CLMN: variants seen among roughly 807,000 people sequenced by gnomAD.
CLMN encodes the protein calmin, also known as calmin (calponin-like, transmembrane).
In CLMN, 57 loss-of-function variants were observed where a neutral mutation model predicts 92.7. The ratio of observed to expected loss-of-function variants is 0.61; its 90% confidence interval spans 0.50 to 0.77. The LOEUF (loss-of-function observed/expected upper bound fraction) is 0.77, where lower values mean the gene tolerates loss of function less well. Among genes scored for constraint, CLMN ranks in the 30% least tolerant of loss-of-function variants. The pLI, the probability that CLMN is intolerant of heterozygous loss-of-function variation, is 0.00. For synonymous variants in CLMN, 466 were observed against 470.6 expected, an observed-to-expected ratio of 0.99 and a Z score of 0.13; for missense variants, 1,158 against 1,237.5, an observed-to-expected ratio of 0.94 and a Z score of 0.96.
intron 2 of CLMN, among the ~76,000 whole-genome samples, chr14:95,227,413 T>C (rs78903358): frequency 6.6e-6 from 1 of 152,172 alleles, no homozygotes; most frequent in African/African-American, 2.4e-5. Context: ...CCTTCCACCC[T>C]GAGCATGACG....
intron 4 of CLMN, among the ~76,000 whole-genome samples, chr14:95,218,617 A>G (rs1232996934): frequency 6.6e-6 from 1 of 152,176 alleles, no homozygotes; most frequent in African/African-American, 2.4e-5. Context: ...GGGCCCACTG[A>G]GTATTTTGTG....
At chr14:95,222,690 T>C (rs1309963057) in intron 3 of CLMN, 5 of 440,100 alleles carry the variant, frequency 1.1e-5, no homozygotes, top group African/African-American at 8.1e-5. Context: ...ACCGTGCTCA[T>C]GGCGAGGCCT....
intron 1 of CLMN, among the ~76,000 whole-genome samples, chr14:95,272,608 A>C (rs186345546): frequency 6.6e-6 from 1 of 152,290 alleles, no homozygotes; most frequent in East Asian, 1.9e-4. Context: ...GTACGACAAT[A>C]CACCAGCCAT....
Position 95,256,855 on chromosome 14 carries a change from T to C in CLMN, c.83-26722A>G, listed in dbSNP as rs1899018803. ...TAAGCCTCCTGGGTCAGGGGCAGAA[T>C]TGGAGCAGGAGCTTGAAGGCCCCAT... On this transcript the variant is annotated intron_variant, in intron 1 of 12. Transcript: ENST00000298912. This position sits in a 1 kb window ranked among gnomAD's most constrained non-coding sequence, Gnocchi z 4.9. Among the ~76,000 whole-genome samples the C allele has an allele frequency of 6.6e-6, 1 of 152,082 alleles. No individual in the cohort carries two copies. Among genetic ancestry groups the C allele is most frequent in the Non-Finnish European group, 1.5e-5 (1 of 68,008 alleles).
At chr14:95,287,855 A>T (rs1470155863) in intron 1 of CLMN, among the ~76,000 whole-genome samples, 2 of 152,134 alleles carry the variant, frequency 1.3e-5, no homozygotes, top group Non-Finnish European at 2.9e-5. Context: ...CTAGCCAGCT[A>T]TCTGCATTTC....
chr14:95,198,148 T>C (rs1158887204), intron 9 of CLMN, among the ~76,000 whole-genome samples: 2 of 149,732 alleles, frequency 1.3e-5, no homozygotes, highest in Non-Finnish European at 3.0e-5. Context: ...CTCCCAGGTT[T>C]AAGTGATTTT....
At chr14:95,246,878 T>C (rs75083876) in intron 1 of CLMN, among the ~76,000 whole-genome samples, 35,225 of 152,018 alleles carry the variant, frequency 0.23, 5,304 homozygotes, top group African/African-American at 0.43. Context: ...TCTTATAGAG[T>C]TTAGATCACT....
chr14:95,198,328 G>A (rs1381822546), intron 9 of CLMN, among the ~76,000 whole-genome samples: 3 of 151,578 alleles, frequency 2.0e-5, no homozygotes, highest in Non-Finnish European at 1.5e-5. Flanking sequence ...GGGATTACAG[G>A]CGTGAGCCAC....
intron 1 of CLMN, among the ~76,000 whole-genome samples, chr14:95,304,071 C>T (rs1901173299): frequency 6.6e-6 from 1 of 152,190 alleles, no homozygotes. Flanking sequence ...GACGTGGTGG[C>T]TCACACCTGT....
intron 5 of CLMN, among the ~76,000 whole-genome samples, chr14:95,214,103 TA>T (rs780436720): frequency 1.2e-4 from 18 of 151,894 alleles, no homozygotes; most frequent in Non-Finnish European, 2.4e-4. Flanking sequence ...CCTTCTACCA[TA>T]TAGGATTGAC....
At chr14:95,311,104 G>C (rs1438127681) in intron 1 of CLMN, among the ~76,000 whole-genome samples, 1 of 151,998 alleles carries the variant, frequency 6.6e-6, no homozygotes, top group Non-Finnish European at 1.5e-5. Flanking sequence ...CAGACATTCA[G>C]GGCCAGGACT....
In CLMN at chr14:95,256,191, C is replaced by T. The variant is rs1226119384; in HGVS notation, c.83-26058G>A. 6.6e-6 allele frequency among the ~76,000 whole-genome samples: 1 copy of T among 152,196 alleles called. No individual in the cohort carries two copies. Among genetic ancestry groups the T allele is most frequent in the East Asian group, 1.9e-4 (1 of 5,190 alleles). The stretch of plus-strand genomic sequence containing the variant: ...GGGTACAATGCCCCCACACTGTCCT[C>T]GCCACGGGCACACCCAACCGAGGCC... On this transcript the variant is annotated intron_variant, in intron 1 of 12. Transcript: ENST00000298912. The surrounding 1 kb of genome is among the most constrained non-coding windows in gnomAD (Gnocchi z 4.9).
At chr14:95,307,332 G>A (rs913093366) in intron 1 of CLMN, among the ~76,000 whole-genome samples, 1 of 152,206 alleles carries the variant, frequency 6.6e-6, no homozygotes, top group African/African-American at 2.4e-5. Flanking sequence ...GCAGACTCCA[G>A]CACCTGACCC....
chr14:95,193,399 GCTT>G (rs1240440019), intron 12 of CLMN: 3 of 1,533,942 alleles, frequency 2.0e-6, no homozygotes, highest in Non-Finnish European at 2.6e-6. Context: ...AGCTCAGTAA[GCTT>G]CTGAGTACTG....
At chr14:95,276,416 A>T (rs1026019869) in intron 1 of CLMN, among the ~76,000 whole-genome samples, 1 of 152,168 alleles carries the variant, frequency 6.6e-6, no homozygotes, top group African/African-American at 2.4e-5. Flanking sequence ...TTAGGTATGC[A>T]TAGGATCATG....
At chr14:95,282,738 T>G (rs992371300) in intron 1 of CLMN, among the ~76,000 whole-genome samples, 1 of 152,178 alleles carries the variant, frequency 6.6e-6, no homozygotes, top group African/African-American at 2.4e-5. Context: ...GAGCAGCCAC[T>G]CAGAGAGAAG....
intron 4 of CLMN, among the ~76,000 whole-genome samples, chr14:95,221,086 G>A (rs186938270): frequency 4.2e-4 from 64 of 152,330 alleles, no homozygotes; most frequent in Non-Finnish European, 7.6e-4. Flanking sequence ...GTGCCAATGT[G>A]TCAGGCAAGC....
At chr14:95,241,168 C>T (rs567659404) in intron 1 of CLMN, among the ~76,000 whole-genome samples, 11 of 152,100 alleles carry the variant, frequency 7.2e-5, no homozygotes, top group Admixed American at 3.3e-4. Context: ...ACCCCACACT[C>T]ACCCTGTAAA....
chr14:95,319,590 G>C, intron 1 of CLMN, 121 bp downstream of exon 1: 2 of 809,222 alleles, frequency 2.5e-6, no homozygotes, highest in East Asian at 3.6e-5. Context: ...CTCGAGGCAA[G>C]TGACAGGAAC....
Sources: allele counts gnomAD v4.1 joint callset (sites outside exome capture counted in the v4.1 genomes callset), GRCh38; gene constraint gnomAD v4.1.1; non-coding constraint Gnocchi (gnomAD v3.1); transcripts MANE v1.5; gene names NCBI Gene and HGNC (gene_info 2026-07-23, HGNC 2026-07-21).